The following ACSM3 variants were observed in gnomAD, a reference collection of about 807,000 sequenced individuals.
ACSM3 encodes acyl-coenzyme A synthetase ACSM3, mitochondrial.
Under a neutral mutation model 74.1 loss-of-function variants are expected in ACSM3, and 61 were observed. That is an observed-to-expected ratio of 0.82 (90% confidence interval 0.67 to 1.02). ACSM3 has a LOEUF of 1.02. ACSM3 is among the 50% of genes least tolerant of loss of function. The probability of loss-of-function intolerance (pLI) is 0.00; values close to 1 mark genes in which losing one functional copy is unlikely to be tolerated. For synonymous variants in ACSM3, 213 were observed against 241.5 expected, an observed-to-expected ratio of 0.88 and a Z score of 1.09; for missense variants, 660 against 697.0, an observed-to-expected ratio of 0.95 and a Z score of 0.60.
At chr16:20,705,383 A>C (rs531849391) in intron 1 of ACSM3, among the ~76,000 whole-genome samples, 1 of 152,024 alleles carries the variant, frequency 6.6e-6, no homozygotes, top group Admixed American at 6.6e-5. Flanking sequence ...AGAAAAAAAA[A>C]AAAAAACAAC....
intron 1 of ACSM3, among the ~76,000 whole-genome samples, chr16:20,746,527 C>T (rs1047005146): frequency 1.3e-5 from 2 of 152,224 alleles, no homozygotes; most frequent in African/African-American, 4.8e-5. Flanking sequence ...GTAAGACTGG[C>T]ATGCCTTACC....
intron 9 of ACSM3, chr16:20,789,392 C>A: frequency 1.0e-6 from 1 of 968,438 alleles, no homozygotes; most frequent in South Asian, 1.4e-5. Flanking sequence ...GTATTAAGTA[C>A]TTAATAAATG....
intron 1 of ACSM3, among the ~76,000 whole-genome samples, chr16:20,746,269 G>A (rs1367963242): frequency 6.6e-6 from 1 of 152,184 alleles, no homozygotes; most frequent in Admixed American, 6.5e-5. Flanking sequence ...ACTCAGTCGT[G>A]AATCATGGAA....
At chr16:20,682,197 C>A in intron 1 of ACSM3, 2 of 1,552,998 alleles carry the variant, frequency 1.3e-6, no homozygotes, top group South Asian at 1.1e-5. Context: ...CTCTCTGATT[C>A]CTAAATTATC....
chr16:20,780,647 A>T, intron 4 of ACSM3, 67 bp from the exon 5 acceptor site: 1 of 1,613,640 alleles, frequency 6.2e-7, no homozygotes, highest in Non-Finnish European at 8.5e-7. Flanking sequence ...GCTTCTCAAA[A>T]TTTTTCAGTG....
chr16:20,720,850 G>GTATCTAATA (rs2079782741), intron 1 of ACSM3: 1 of 152,128 alleles, frequency 6.6e-6, no homozygotes, highest in Non-Finnish European at 1.5e-5. Context: ...TAGAATCCAT[G>GTATCTAATA]GAGCAGATAC....
intron 1 of ACSM3, among the ~76,000 whole-genome samples, chr16:20,716,824 G>A (rs545776790): frequency 2.0e-5 from 3 of 152,166 alleles, no homozygotes; most frequent in East Asian, 1.9e-4. Context: ...CTTTGACTCC[G>A]CCGGACTTCG....
intron 3 of ACSM3, 114 bp downstream of exon 3, chr16:20,776,163 T>G: frequency 8.7e-7 from 1 of 1,147,972 alleles, no homozygotes; most frequent in South Asian, 1.5e-5. Context: ...TGTCAAAGAG[T>G]GCCTTTAAAT....
intron 1 of ACSM3, among the ~76,000 whole-genome samples, chr16:20,706,984 A>G (rs992532097): frequency 1.3e-5 from 2 of 152,146 alleles, no homozygotes; most frequent in African/African-American, 4.8e-5. Flanking sequence ...TTGCCTGTAC[A>G]TGGAGCTGCT....
chr16:20,750,828 T>C (rs1045495030), intron 2 of ACSM3, among the ~76,000 whole-genome samples: 21 of 148,176 alleles, frequency 1.4e-4, no homozygotes, highest in African/African-American at 5.2e-4. Flanking sequence ...AGAGAGAATA[T>C]AAGTTTTGGA....
At chr16:20,693,328 C>T (rs1307567495) in intron 1 of ACSM3, among the ~76,000 whole-genome samples, 1 of 152,114 alleles carries the variant, frequency 6.6e-6, no homozygotes, top group Non-Finnish European at 1.5e-5. Context: ...CCTCATTGCC[C>T]CTTCAGATCC....
intron 1 of ACSM3, among the ~76,000 whole-genome samples, chr16:20,676,393 G>A (rs1003703952): frequency 6.6e-6 from 1 of 152,214 alleles, no homozygotes; most frequent in Non-Finnish European, 1.5e-5. Flanking sequence ...AAAAGCACCA[G>A]CCAGTTTTAA....
chr16:20,737,998 T>C, intron 1 of ACSM3: 4 of 1,543,922 alleles, frequency 2.6e-6, no homozygotes, highest in South Asian at 2.5e-5. Context: ...TTCTCAGACA[T>C]CTTAAAGATC....
In ACSM3 at chr16:20,781,714, T is replaced by TC; in HGVS notation, c.948dup (p.Lys317GlnfsTer21). The TC allele has an allele frequency of 6.2e-7, 1 of 1,612,320 alleles. No individual in the cohort carries two copies. Among genetic ancestry groups the TC allele is most frequent in the Non-Finnish European group, 8.5e-7 (1 of 1,178,386 alleles). On this transcript the variant is annotated frameshift_variant, in exon 7 of 14. Transcript: ENST00000289416. LOFTEE classifies it high-confidence loss of function. The stretch of plus-strand genomic sequence containing the variant: ...TGCTTTTTCTAAATTGCAGACACTC[T>TC]CCAAGTACCCCATCACAGTCTTCTG...
chr16:20,718,826 T>C (rs966750968), intron 1 of ACSM3, among the ~76,000 whole-genome samples: 1 of 152,224 alleles, frequency 6.6e-6, no homozygotes, highest in Non-Finnish European at 1.5e-5. Context: ...TTTATTTTCC[T>C]AATAGCATTT....
At chr16:20,752,960 C>A (rs1020926732) in intron 2 of ACSM3, among the ~76,000 whole-genome samples, 4 of 152,092 alleles carry the variant, frequency 2.6e-5, no homozygotes, top group Non-Finnish European at 5.9e-5. Context: ...ATATGTTAAA[C>A]TCAACCACAT....
At chr16:20,708,021 C>G (rs1267458960) in intron 1 of ACSM3, among the ~76,000 whole-genome samples, 1 of 152,208 alleles carries the variant, frequency 6.6e-6, no homozygotes, top group East Asian at 1.9e-4. Context: ...GTTTTTCTTG[C>G]AGGGCATGGT....
At chr16:20,756,428 T>A (rs2080032262) in intron 3 of ACSM3, among the ~76,000 whole-genome samples, 1 of 152,024 alleles carries the variant, frequency 6.6e-6, no homozygotes, top group Non-Finnish European at 1.5e-5. Flanking sequence ...TGCATAAATG[T>A]CTTCTTTTGA....
Position 20,785,098 on chromosome 16 carries a change from G to T in ACSM3, c.1134G>T (p.Gln378His). The T allele has an allele frequency of 1.2e-6, 2 of 1,613,180 alleles. No homozygotes were observed. The highest frequency in any genetic ancestry group is 1.7e-6 in the Non-Finnish European group (2 of 1,179,448). The change falls in exon 8 of 14, where the codon CAG (glutamine) becomes CAT (histidine). Residue 378 changes from glutamine (Q) to histidine (H), a missense_variant. Physicochemically the swap from Gln to His is conservative, Grantham distance 24 (BLOSUM62 0). Transcript: ENST00000289416. ...TGGATATCTACGAAGGATATGGACAGACTGAAACGGTACCTGACCTCACTG... is the reference window on the plus strand; with the variant it reads ...TGGATATCTACGAAGGATATGGACATACTGAAACGGTACCTGACCTCACTG... ...TGLDIYEGYGQTETVLICGNF... is the reference protein window; with the variant it reads ...TGLDIYEGYGHTETVLICGNF...
Sources: gnomAD v4.1 joint callset for allele counts (sites outside exome capture counted in the v4.1 genomes callset) on GRCh38, gnomAD v4.1.1 for gene constraint, MANE v1.5 for transcripts, NCBI Gene and HGNC (gene_info 2026-07-23, HGNC 2026-07-21) for gene names.